PLXNA4: variants seen among roughly 807,000 people sequenced by gnomAD.
PLXNA4 encodes the protein plexin A4, also known as plexin-A4.
A neutral mutation model predicts 191.8 loss-of-function variants in PLXNA4; 44 were observed. The ratio of observed to expected loss-of-function variants is 0.23; its 90% CI spans 0.18 to 0.29. The LOEUF (loss-of-function observed/expected upper bound fraction) is 0.29. PLXNA4 is among the 10% of genes least tolerant of loss of function. PLXNA4 has a pLI of 1.00. For missense variants in PLXNA4, 1,800 were observed against 2,488.8 expected, an observed-to-expected ratio of 0.72 and a Z score of 5.89; for synonymous variants, 1,082 against 1,009.5, an observed-to-expected ratio of 1.07 and a Z score of -1.36.
At chr7:132,178,845 TACACACACAC>T (rs56027205) in intron 20 of PLXNA4, among the ~76,000 whole-genome samples, 11 of 83,532 alleles carry the variant, frequency 1.3e-4, no homozygotes, top group East Asian at 4.1e-4. Flanking sequence ...TACACATATA[TACACACACAC>T]ACACACACAC....
At chr7:132,328,919 A>G (rs537262574) in intron 3 of PLXNA4, among the ~76,000 whole-genome samples, 8 of 152,318 alleles carry the variant, frequency 5.3e-5, no homozygotes, top group African/African-American at 1.9e-4. Context: ...AGGATGTCCC[A>G]TCTGGCCTCA....
intron 2 of PLXNA4, among the ~76,000 whole-genome samples, chr7:132,614,358 G>A (rs1192286375): frequency 1.3e-5 from 2 of 152,198 alleles, no homozygotes; most frequent in African/African-American, 4.8e-5. Flanking sequence ...GTAGCCACAT[G>A]CGGCCAGAGG....
At chr7:132,369,281 C>T (rs1422888216) in intron 3 of PLXNA4, among the ~76,000 whole-genome samples, 2 of 152,226 alleles carry the variant, frequency 1.3e-5, no homozygotes, top group African/African-American at 4.8e-5. Context: ...GTGCCAGAAA[C>T]CTGCTAAGAC....
chr7:132,406,353 C>T (rs1794219390), intron 3 of PLXNA4, among the ~76,000 whole-genome samples: 1 of 152,182 alleles, frequency 6.6e-6, no homozygotes, highest in South Asian at 2.1e-4. Flanking sequence ...AAATTGGAGT[C>T]AGTTACTCAG....
chr7:132,537,146 T>A (rs182458866), intron 1 of PLXNA4, among the ~76,000 whole-genome samples: 84 of 152,202 alleles, frequency 5.5e-4, no homozygotes, highest in Middle Eastern at 3.4e-3. Flanking sequence ...CAAGTGGAGG[T>A]CAGAAGACAG....
At position 132,460,029 on chromosome 7, in the gene PLXNA4, T is replaced by TA. The variant is rs754170720; in HGVS notation, c.1371+29262dup. On this transcript the variant is annotated intron_variant, in intron 3 of 31. Coordinates refer to ENST00000321063, the MANE Select transcript of PLXNA4 (RefSeq NM_020911.2). ...GATGGCAACCGATAGCAAGAATACTTATGGCTGTGTACAATTCAGATACAA... is the reference window on the plus strand; with the variant it reads ...GATGGCAACCGATAGCAAGAATACTTAATGGCTGTGTACAATTCAGATACAA... 2.9e-3 allele frequency among the ~76,000 whole-genome samples: 439 copies of TA among 152,018 alleles called. 2 individuals are homozygous for TA. Among genetic ancestry groups the TA allele is most frequent in the Non-Finnish European group, 5.0e-3 (340 of 67,992 alleles).
chr7:132,501,209 G>A (rs557069679), intron 2 of PLXNA4, among the ~76,000 whole-genome samples: 6 of 152,260 alleles, frequency 3.9e-5, no homozygotes, highest in African/African-American at 7.2e-5. Flanking sequence ...AGAGAGGACC[G>A]TGCACCAAGA....
intron 1 of PLXNA4, among the ~76,000 whole-genome samples, chr7:132,545,911 A>G (rs1458336585): frequency 6.6e-6 from 1 of 152,196 alleles, no homozygotes; most frequent in Non-Finnish European, 1.5e-5. Context: ...TAGGATAACT[A>G]TGCACATTCA....
chr7:132,435,401 C>T (rs144334046), intron 3 of PLXNA4, among the ~76,000 whole-genome samples: 26 of 152,178 alleles, frequency 1.7e-4, no homozygotes, highest in Non-Finnish European at 3.4e-4. Flanking sequence ...CTGTTCTAAT[C>T]GGCCCCGTGG....
At chr7:132,638,343 T>C (rs1803649575) in intron 2 of PLXNA4, among the ~76,000 whole-genome samples, 1 of 152,148 alleles carries the variant, frequency 6.6e-6, no homozygotes, top group Non-Finnish European at 1.5e-5. Flanking sequence ...ACAATCTCAG[T>C]AAAACTCCTA....
chr7:132,198,441 C>T (rs761496788), intron 13 of PLXNA4, 44 bp downstream of exon 13: 1 of 1,598,060 alleles, frequency 6.3e-7, no homozygotes, highest in Non-Finnish European at 8.5e-7. Flanking sequence ...ACTAACCCGT[C>T]TTCCCTCCCC....
intron 5 of PLXNA4, 59 bp downstream of exon 5, chr7:132,241,007 A>T (rs1484777007): frequency 3.2e-6 from 4 of 1,249,056 alleles, no homozygotes; most frequent in East Asian, 4.9e-5. Context: ...AGAGAAGCAG[A>T]GGAAGGGAAT....
chr7:132,566,811 G>A (rs902032895), intron 1 of PLXNA4, among the ~76,000 whole-genome samples: 2 of 152,194 alleles, frequency 1.3e-5, no homozygotes, highest in Admixed American at 1.3e-4. Context: ...TGTCGCTAAA[G>A]TTTTGTGAGA....
intron 3 of PLXNA4, among the ~76,000 whole-genome samples, chr7:132,438,283 A>C (rs2288980): frequency 0.012 from 1,847 of 152,242 alleles, 78 homozygotes; most frequent in Admixed American, 0.077. Flanking sequence ...AACAGTAAGT[A>C]ACTATCATAG....
At chr7:132,548,570 C>A (rs773619300) in intron 1 of PLXNA4, among the ~76,000 whole-genome samples, 1 of 152,178 alleles carries the variant, frequency 6.6e-6, no homozygotes, top group Non-Finnish European at 1.5e-5. Context: ...CACCCAAGAC[C>A]AAGACCAAGG....
chr7:132,393,198 C>T (rs1438709109), intron 3 of PLXNA4, among the ~76,000 whole-genome samples: 1 of 124,922 alleles, frequency 8.0e-6, no homozygotes, highest in Non-Finnish European at 1.7e-5. Context: ...ACACCCCCCC[C>T]CACCACCACC....
At chr7:132,178,739 T>C in intron 20 of PLXNA4, among the ~76,000 whole-genome samples, 1 of 63,648 alleles carries the variant, frequency 1.6e-5, no homozygotes, top group Non-Finnish European at 2.6e-5. Context: ...CACTTGTAAA[T>C]GAAACACATA....
At chr7:132,415,197 C>T (rs12667008) in intron 3 of PLXNA4, among the ~76,000 whole-genome samples, 6 of 152,206 alleles carry the variant, frequency 3.9e-5, no homozygotes, top group South Asian at 2.1e-4. Flanking sequence ...AGGGAGTTGG[C>T]GGCCTGCAGA....
chr7:132,261,013 G>A (rs1358460163), intron 4 of PLXNA4, among the ~76,000 whole-genome samples: 1 of 152,172 alleles, frequency 6.6e-6, no homozygotes, highest in Non-Finnish European at 1.5e-5. Flanking sequence ...CAAATTTGCT[G>A]TGAACCTAAA....
Sources: allele counts gnomAD v4.1 joint callset (sites outside exome capture counted in the v4.1 genomes callset), GRCh38; gene constraint gnomAD v4.1.1; transcripts MANE v1.5; gene names NCBI Gene and HGNC (gene_info 2026-07-23, HGNC 2026-07-21).